TNFSF8: variants seen among roughly 807,000 people sequenced by gnomAD.
The protein encoded by TNFSF8 is TNF superfamily member 8.
In TNFSF8, 4 loss-of-function variants were observed where a neutral mutation model predicts 22.0. The ratio of observed to expected loss-of-function variants is 0.18; its 90% CI spans 0.09 to 0.42. TNFSF8 has a LOEUF of 0.42. TNFSF8 is among the 10% of genes least tolerant of loss of function. TNFSF8 has a pLI of 1.00. For missense variants in TNFSF8, 233 were observed against 281.8 expected, an observed-to-expected ratio of 0.83 and a Z score of 1.24; for synonymous variants, 106 against 112.5, an observed-to-expected ratio of 0.94 and a Z score of 0.37.
intron 2 of TNFSF8, among the ~76,000 whole-genome samples, chr9:114,912,037 G>A (rs577333701): frequency 1.6e-4 from 24 of 152,296 alleles, no homozygotes; most frequent in East Asian, 1.2e-3. Flanking sequence ...ATTTTAGAAA[G>A]TTCGTTTTGG....
chr9:114,918,077 C>T lies in TNFSF8; in HGVS notation c.238+19G>A. ...CTAGATGACTTACTACACATTTACA[C>T]CTAATTCCAAGATCTTACCTCCTTT... On this transcript the variant is annotated intron_variant, in intron 2 of 3. Coordinates refer to ENST00000223795, the MANE Select transcript of TNFSF8 (RefSeq NM_001244.4). 1 of 1,595,558 alleles carries T rather than the reference C, an allele frequency of 6.3e-7. No homozygotes were observed.
downstream of TNFSF8, among the ~76,000 whole-genome samples, chr9:114,899,349 T>TATATA (rs200896262): frequency 7.5e-5 from 11 of 146,216 alleles, no homozygotes; most frequent in African/African-American, 2.9e-4. Flanking sequence ...GTTATTATTT[T>TATATA]TTTTTTTTTT....
chr9:114,910,468 G>A (rs1314892685), intron 2 of TNFSF8, among the ~76,000 whole-genome samples: 2 of 152,160 alleles, frequency 1.3e-5, no homozygotes, highest in African/African-American at 4.8e-5. Flanking sequence ...TCAGAACACA[G>A]GGCTTCTGAC....
At chr9:114,923,522 C>CTTTCTTTCT (rs758823996) in intron 1 of TNFSF8, among the ~76,000 whole-genome samples, 3,419 of 89,560 alleles carry the variant, frequency 0.038, 252 homozygotes, top group African/African-American at 0.14. Flanking sequence ...TTCTTTCTTT[C>CTTTCTTTCT]TTTTTTTTTT....
chr9:114,929,107 T>C (rs1828102850), intron 1 of TNFSF8, among the ~76,000 whole-genome samples: 1 of 152,220 alleles, frequency 6.6e-6, no homozygotes, highest in African/African-American at 2.4e-5. Flanking sequence ...ATGCTATTAC[T>C]ACAGCATTTT....
At chr9:114,896,483 A>G (rs1223600782), downstream of TNFSF8, among the ~76,000 whole-genome samples, 2 of 152,210 alleles carry the variant, frequency 1.3e-5, no homozygotes, top group East Asian at 1.9e-4. Context: ...CAAAATATCT[A>G]GAAGAGAGGA....
intron 2 of TNFSF8, among the ~76,000 whole-genome samples, chr9:114,914,311 C>A (rs148889243): frequency 6.6e-6 from 1 of 152,210 alleles, no homozygotes; most frequent in African/African-American, 2.4e-5. Context: ...TGCTACACTG[C>A]CCTACCAGCT....
chr9:114,901,270 T>C lies in TNFSF8; in HGVS notation c.*2661A>G, dbSNP rs3181202. The C allele has an allele frequency of 0.46, 448,467 of 985,046 alleles. 105,822 individuals carry two copies. The highest frequency in any genetic ancestry group is 0.76 in the African/African-American group (43,602 of 57,228). 61.0% of individuals were successfully genotyped at this position (985,046 alleles called of 1,614,324 possible). A position where few individuals can be genotyped will look rare whatever the true frequency, so the allele number is the denominator to read the frequency against. Reference sequence around the variant, plus strand: ...GAGTAACAGAATTTAGTTTTAAACTTCCTGGGTTGCCTACTCCCTACATAT... The same window carrying C: ...GAGTAACAGAATTTAGTTTTAAACTCCCTGGGTTGCCTACTCCCTACATAT... On this transcript the variant is annotated 3_prime_UTR_variant, in exon 4 of 4. Coordinates refer to ENST00000223795, the MANE Select transcript of TNFSF8 (RefSeq NM_001244.4).
chr9:114,918,308 C>A (rs1172873266), intron 1 of TNFSF8, among the ~76,000 whole-genome samples, 170 bp from the exon 2 acceptor site: 1 of 152,084 alleles, frequency 6.6e-6, no homozygotes, highest in Non-Finnish European at 1.5e-5. Flanking sequence ...GGCTTTCTAT[C>A]CATTTGTTTG....
At chr9:114,906,185 A>AT (rs1359636237) in intron 2 of TNFSF8, among the ~76,000 whole-genome samples, 1 of 152,134 alleles carries the variant, frequency 6.6e-6, no homozygotes, top group African/African-American at 2.4e-5. Flanking sequence ...GTCAGGGGCC[A>AT]TTTTTTGGCA....
intron 3 of TNFSF8, 106 bp downstream of exon 3, chr9:114,905,722 T>G: frequency 1.2e-6 from 1 of 860,822 alleles, no homozygotes; most frequent in South Asian, 1.4e-5. Flanking sequence ...CATCTGCAGG[T>G]CACATTTGGC....
chr9:114,897,047 C>T (rs1421022911), downstream of TNFSF8, among the ~76,000 whole-genome samples: 1 of 152,086 alleles, frequency 6.6e-6, no homozygotes, highest in Non-Finnish European at 1.5e-5. Flanking sequence ...GGATTACAGG[C>T]ATGTGCCACC....
At chr9:114,909,259 C>T (rs533598294) in intron 2 of TNFSF8, among the ~76,000 whole-genome samples, 5 of 152,282 alleles carry the variant, frequency 3.3e-5, no homozygotes, top group South Asian at 2.1e-4. Flanking sequence ...GACAGAAAAA[C>T]GTGACTTATA....
At chr9:114,900,376 G>T (rs560940051), downstream of TNFSF8, among the ~76,000 whole-genome samples, 5 of 152,338 alleles carry the variant, frequency 3.3e-5, no homozygotes, top group South Asian at 2.1e-4. Flanking sequence ...AAGTCCCATT[G>T]GTTGGAAGCC....
At chr9:114,911,404 C>T (rs1343662578) in intron 2 of TNFSF8, among the ~76,000 whole-genome samples, 1 of 152,334 alleles carries the variant, frequency 6.6e-6, no homozygotes, top group South Asian at 2.1e-4. Context: ...ATCTAGAGGA[C>T]AGTCTCTCCC....
chr9:114,897,281 G>C (rs1333089681), downstream of TNFSF8, among the ~76,000 whole-genome samples: 1 of 102,902 alleles, frequency 9.7e-6, no homozygotes, highest in East Asian at 2.3e-4. Context: ...TTTTTCTTTT[G>C]TTTTGGTATG....
rs1418106144 is a variant in TNFSF8 at position 114,901,252 on chromosome 9, A to G, written c.*2679T>C. On this transcript the variant is annotated 3_prime_UTR_variant, in exon 4 of 4. Transcript: ENST00000223795. ...GGGCTGGTTAACCCTCAAGAGTAAC[A>G]GAATTTAGTTTTAAACTTCCTGGGT... 1.3e-5 allele frequency: 13 copies of G among 985,310 alleles called. No homozygotes were observed. The highest frequency in any genetic ancestry group is 1.3e-5 in the Non-Finnish European group (11 of 829,922). 61.0% of individuals were successfully genotyped at this position (985,310 alleles called of 1,614,324 possible). A position where few individuals can be genotyped will look rare whatever the true frequency, so the allele number is the denominator to read the frequency against.
At chr9:114,916,608 T>C (rs1413230662) in intron 2 of TNFSF8, among the ~76,000 whole-genome samples, 2 of 152,210 alleles carry the variant, frequency 1.3e-5, no homozygotes, top group Admixed American at 6.5e-5. Context: ...TTTCCAAAGC[T>C]CCGTGTGAAC....
intron 2 of TNFSF8, among the ~76,000 whole-genome samples, chr9:114,910,147 A>G (rs112547734): frequency 3.2e-4 from 48 of 152,318 alleles, no homozygotes; most frequent in African/African-American, 1.1e-3. Context: ...TAGAAGGATC[A>G]TGGGACTTTC....
Sources: gnomAD v4.1 joint callset for allele counts (sites outside exome capture counted in the v4.1 genomes callset) on GRCh38, gnomAD v4.1.1 for gene constraint, MANE v1.5 for transcripts, NCBI Gene and HGNC (gene_info 2026-07-23, HGNC 2026-07-21) for gene names.